Variants in FABP12 observed in about 807,000 individuals in gnomAD.
FABP12 encodes the protein fatty acid binding protein 12.
FABP12 carries 19 observed loss-of-function variants against 13.7 expected under a neutral mutation model. The observed-to-expected ratio is 1.39, with a 90% CI of 0.97 to 2.04. The LOEUF is 2.04. FABP12 is among the 30% of genes most tolerant of loss of function. The probability of loss-of-function intolerance (pLI) is 0.00; values close to 1 mark genes in which losing one functional copy is unlikely to be tolerated. For synonymous variants in FABP12, 61 were observed against 57.0 expected, an observed-to-expected ratio of 1.07 and a Z score of -0.32; for missense variants, 182 against 164.2, an observed-to-expected ratio of 1.11 and a Z score of -0.59.
At chr8:81,533,129 A>G (rs1809123286) in intron 1 of FABP12, 1 of 152,176 alleles carries the variant, frequency 6.6e-6, no homozygotes, top group Non-Finnish European at 1.5e-5. Context: ...CCTGTTGCTG[A>G]CAGGTTAGAC....
At chr8:81,571,277 C>A (rs1368468459) in intron 1 of FABP12, among the ~76,000 whole-genome samples, 1 of 152,214 alleles carries the variant, frequency 6.6e-6, no homozygotes, top group Non-Finnish European at 1.5e-5. Flanking sequence ...CCTTCCCAGG[C>A]CCCCAGGAGT....
At chr8:81,543,813 T>G (rs576038335) in intron 1 of FABP12, among the ~76,000 whole-genome samples, 154 of 148,104 alleles carry the variant, frequency 1.0e-3, no homozygotes, top group African/African-American at 4.0e-3. Context: ...CTTGTGATGC[T>G]GATAGGATTA....
chr8:81,570,684 C>T (rs1226802856), intron 1 of FABP12, among the ~76,000 whole-genome samples: 7 of 152,234 alleles, frequency 4.6e-5, no homozygotes, highest in East Asian at 3.9e-4. Flanking sequence ...CTTGTCCCAT[C>T]GTCTGCAGCT....
At chr8:81,527,575 A>G (rs930609214) in intron 3 of FABP12, among the ~76,000 whole-genome samples, 3 of 151,984 alleles carry the variant, frequency 2.0e-5, no homozygotes, top group African/African-American at 7.2e-5. Flanking sequence ...GTTGGCCAGG[A>G]TGGTCTTGAA....
rs1313127536 is a variant in FABP12 at position 81,558,869 on chromosome 8, G to A, written c.-184-19126C>T. On this transcript the variant is annotated intron_variant, in intron 1 of 5. Transcript: ENST00000692030. ...CATGCCACTGCACTCCAGCCTGGGG[G>A]ACAAAGTAAGGCTCCATCAAAAAAA... is the stretch of plus-strand genomic sequence containing the variant. Among the ~76,000 whole-genome samples the A allele has an allele frequency of 2.9e-5, 4 of 135,832 alleles. No homozygotes were observed. In the Admixed American group the frequency reaches 3.1e-4, roughly 11 times the overall value. 89.1% of individuals were successfully genotyped at this position (135,832 alleles called of 152,430 possible). A position where few individuals can be genotyped will look rare whatever the true frequency, so the allele number is the denominator to read the frequency against.
chr8:81,578,431 A>G (rs182211315), intron 1 of FABP12, among the ~76,000 whole-genome samples: 1 of 152,194 alleles, frequency 6.6e-6, no homozygotes, highest in East Asian at 1.9e-4. Flanking sequence ...ACTGCTATGT[A>G]TACAGAATAT....
chr8:81,535,454 T>C (rs1194798746), upstream of FABP12, among the ~76,000 whole-genome samples: 1 of 152,164 alleles, frequency 6.6e-6, no homozygotes, highest in African/African-American at 2.4e-5. Context: ...AGGTGGAGCT[T>C]ACTCCAACAG....
intron 1 of FABP12, among the ~76,000 whole-genome samples, chr8:81,565,654 A>C (rs573415686): frequency 6.6e-6 from 1 of 152,140 alleles, no homozygotes; most frequent in African/African-American, 2.4e-5. Context: ...AGATACCAAA[A>C]CCTTTGGGAT....
chr8:81,561,670 T>C (rs1302444528), intron 1 of FABP12, among the ~76,000 whole-genome samples: 3 of 152,172 alleles, frequency 2.0e-5, no homozygotes, highest in Non-Finnish European at 2.9e-5. Flanking sequence ...GGACTTTGCA[T>C]TGGAACTCAG....
At chr8:81,525,372 CG>C (rs1420554951) in intron 4 of FABP12, among the ~76,000 whole-genome samples, 2 of 151,978 alleles carry the variant, frequency 1.3e-5, no homozygotes, top group Non-Finnish European at 2.9e-5. Context: ...AAAAATTAGC[CG>C]GGGATGATGG....
chr8:81,551,126 A>G (rs1686234013), intron 1 of FABP12, among the ~76,000 whole-genome samples: 1 of 152,120 alleles, frequency 6.6e-6, no homozygotes, highest in African/African-American at 2.4e-5. Flanking sequence ...CATTATATAT[A>G]TTTGTCTTAT....
At chr8:81,545,333 A>G (rs116464033) in intron 1 of FABP12, among the ~76,000 whole-genome samples, 2 of 152,336 alleles carry the variant, frequency 1.3e-5, no homozygotes, top group African/African-American at 2.4e-5. Flanking sequence ...GATTTTTTCA[A>G]ATAGAGAGGG....
At chr8:81,566,374 C>T (rs543282553) in intron 1 of FABP12, among the ~76,000 whole-genome samples, 82 of 152,130 alleles carry the variant, frequency 5.4e-4, no homozygotes, top group African/African-American at 1.8e-3. Context: ...AAAAAGAAAA[C>T]TACAAGCCAA....
At chr8:81,576,805 T>C (rs150695295) in intron 1 of FABP12, among the ~76,000 whole-genome samples, 3 of 152,324 alleles carry the variant, frequency 2.0e-5, no homozygotes, top group African/African-American at 7.2e-5. Flanking sequence ...GGAGTTCTAT[T>C]CCATGTCTAC....
chr8:81,569,648 T>C (rs1277388170), intron 1 of FABP12, among the ~76,000 whole-genome samples: 1 of 152,308 alleles, frequency 6.6e-6, no homozygotes, highest in East Asian at 1.9e-4. Context: ...CAAGATTGAG[T>C]AAGCAGTTTT....
chr8:81,529,425 T>C lies in FABP12; in HGVS notation c.246+13A>G, dbSNP rs777756701. ...CTTTTGAAATGTGTCTGAAAGACTGTCGTAGGCCTCACCTTTGTTTTGTGG... is the reference window on the plus strand; with the variant it reads ...CTTTTGAAATGTGTCTGAAAGACTGCCGTAGGCCTCACCTTTGTTTTGTGG... On this transcript the variant is annotated intron_variant, in intron 3 of 4. Coordinates refer to ENST00000360464, the Ensembl canonical transcript of FABP12. The C allele has an allele frequency of 4.3e-6, 7 of 1,612,846 alleles. No individual in the cohort carries two copies. Among genetic ancestry groups the C allele is most frequent in the Non-Finnish European group, 5.9e-6 (7 of 1,178,954 alleles).
At chr8:81,574,586 T>A (rs1423681622) in intron 1 of FABP12, among the ~76,000 whole-genome samples, 1 of 151,962 alleles carries the variant, frequency 6.6e-6, no homozygotes, top group East Asian at 1.9e-4. Context: ...GGTCCTGGAT[T>A]TTTTTGTTGG....
At chr8:81,541,131 A>G (rs1382602082) in intron 1 of FABP12, among the ~76,000 whole-genome samples, 2 of 150,804 alleles carry the variant, frequency 1.3e-5, no homozygotes, top group African/African-American at 4.9e-5. Flanking sequence ...ACGCCACTGC[A>G]CTGCAGCCTG....
chr8:81,563,625 GA>G (rs1227977082), intron 1 of FABP12, among the ~76,000 whole-genome samples: 1 of 152,116 alleles, frequency 6.6e-6, no homozygotes, highest in Admixed American at 6.5e-5. Flanking sequence ...TTCTGAAGCT[GA>G]AAAATGCAAC....
Sources: allele counts gnomAD v4.1 joint callset (sites outside exome capture counted in the v4.1 genomes callset), GRCh38; gene constraint gnomAD v4.1.1; transcripts MANE v1.5; gene names NCBI Gene and HGNC (gene_info 2026-07-23, HGNC 2026-07-21).